Variants in RIMS1 observed in about 807,000 individuals in gnomAD.
The protein encoded by RIMS1 is regulating synaptic membrane exocytosis protein 1.
Under a neutral mutation model 214.1 loss-of-function variants are expected in RIMS1, and 83 were observed. That is an observed-to-expected ratio of 0.39 (90% CI 0.32 to 0.47). The LOEUF (loss-of-function observed/expected upper bound fraction) is 0.47, where lower values mean the gene tolerates loss of function less well. Among genes scored for constraint, RIMS1 ranks in the 20% least tolerant of loss-of-function variants. RIMS1 has a pLI of 0.99. For synonymous variants in RIMS1, 793 were observed against 786.8 expected (o/e 1.01, Z -0.13); for missense variants, 2,050 against 2,161.8 (o/e 0.95, Z 1.03).
chr6:71,963,244 C>A (rs929582669), intron 1 of RIMS1, among the ~76,000 whole-genome samples: 1 of 152,202 alleles, frequency 6.6e-6, no homozygotes, highest in Non-Finnish European at 1.5e-5. Context: ...ACCAAACCAA[C>A]CTTGATTAAA....
At chr6:72,064,693 A>G (rs909661463) in intron 2 of RIMS1, among the ~76,000 whole-genome samples, 7 of 458 alleles carry the variant, frequency 0.015, no homozygotes, top group Admixed American at 0.14. Flanking sequence ...ATGATGATGA[A>G]GTTTAAAAAA....
intron 24 of RIMS1, among the ~76,000 whole-genome samples, chr6:72,285,186 C>G (rs137948557): frequency 2.6e-5 from 4 of 152,276 alleles, no homozygotes; most frequent in African/African-American, 9.6e-5. Context: ...CTGTGAGCCA[C>G]AGATGTGCTT....
intron 6 of RIMS1, among the ~76,000 whole-genome samples, chr6:72,190,497 AATAAAG>A (rs1265675052): frequency 4.8e-5 from 2 of 41,400 alleles, no homozygotes; most frequent in Non-Finnish European, 2.1e-4. Flanking sequence ...GAAAGAAAGA[AATAAAG>A]GGGCTGTAGG....
intron 2 of RIMS1, among the ~76,000 whole-genome samples, chr6:72,025,556 T>C (rs913282944): frequency 2.0e-5 from 3 of 152,226 alleles, no homozygotes; most frequent in African/African-American, 7.2e-5. Context: ...TGTGTGTCCA[T>C]ACTGCACACA....
chr6:71,999,305 T>C (rs970346827), intron 2 of RIMS1, among the ~76,000 whole-genome samples: 2 of 152,132 alleles, frequency 1.3e-5, no homozygotes, highest in African/African-American at 4.8e-5. Flanking sequence ...GAATACTAAA[T>C]ACTAATGATG....
intron 16 of RIMS1, among the ~76,000 whole-genome samples, chr6:72,256,902 A>G (rs1175049115): frequency 6.6e-6 from 1 of 152,048 alleles, no homozygotes; most frequent in Non-Finnish European, 1.5e-5. Flanking sequence ...TATACCATTT[A>G]TGAATATTAA....
chr6:72,212,470 A>G (rs956228207), intron 6 of RIMS1, among the ~76,000 whole-genome samples: 2 of 152,152 alleles, frequency 1.3e-5, no homozygotes, highest in Non-Finnish European at 2.9e-5. Context: ...CCTAAGTTCA[A>G]ATATTTCAAG....
chr6:72,026,764 A>G (rs1471196264), intron 2 of RIMS1, among the ~76,000 whole-genome samples: 1 of 152,124 alleles, frequency 6.6e-6, no homozygotes, highest in African/African-American at 2.4e-5. Context: ...TTCACTATGT[A>G]GTGGCACTTT....
intron 1 of RIMS1, among the ~76,000 whole-genome samples, chr6:71,956,093 AAT>A (rs199531609): frequency 0.01 from 1,567 of 151,294 alleles, 31 homozygotes; most frequent in African/African-American, 0.036. Context: ...TTGCCTAAAA[AAT>A]ATATATATAT....
At chr6:72,081,507 G>A (rs1286355826) in intron 2 of RIMS1, among the ~76,000 whole-genome samples, 1 of 152,084 alleles carries the variant, frequency 6.6e-6, no homozygotes, top group Non-Finnish European at 1.5e-5. Flanking sequence ...ACTGCTCCTA[G>A]CTTTGTATGC....
chr6:72,027,849 A>G (rs900915244), intron 2 of RIMS1, among the ~76,000 whole-genome samples: 8 of 152,130 alleles, frequency 5.3e-5, no homozygotes, highest in Non-Finnish European at 1.0e-4. Flanking sequence ...TTGGATACTT[A>G]TCTAATAGAT....
At chr6:72,351,769 C>T (rs1441526636) in intron 29 of RIMS1, among the ~76,000 whole-genome samples, 1 of 152,036 alleles carries the variant, frequency 6.6e-6, no homozygotes, top group Non-Finnish European at 1.5e-5. Context: ...TCTTCAGTGT[C>T]GATGGTGAGC....
intron 1 of RIMS1, among the ~76,000 whole-genome samples, chr6:71,959,080 G>C (rs1276999119): frequency 6.6e-6 from 1 of 151,942 alleles, no homozygotes; most frequent in Admixed American, 6.6e-5. Flanking sequence ...GTGACCTCTT[G>C]ACAAAATAAA....
At chr6:72,321,815 A>G (rs988774608) in intron 28 of RIMS1, among the ~76,000 whole-genome samples, 1 of 152,076 alleles carries the variant, frequency 6.6e-6, no homozygotes, top group African/African-American at 2.4e-5. Flanking sequence ...AGAATCAGTT[A>G]TCCCCTTCTG....
At chr6:71,967,480 C>T (rs1213002755) in intron 1 of RIMS1, among the ~76,000 whole-genome samples, 1 of 152,176 alleles carries the variant, frequency 6.6e-6, no homozygotes, top group Non-Finnish European at 1.5e-5. Flanking sequence ...ACTTGCTGGA[C>T]ATTTTAGCTT....
chr6:71,935,768 T>G (rs186972950), intron 1 of RIMS1, among the ~76,000 whole-genome samples: 49 of 152,308 alleles, frequency 3.2e-4, no homozygotes, highest in African/African-American at 9.9e-4. Flanking sequence ...AAGCCATGAC[T>G]AAAAGTTTAA....
chr6:71,996,830 G>T (rs1160014145), intron 2 of RIMS1, among the ~76,000 whole-genome samples: 1 of 152,200 alleles, frequency 6.6e-6, no homozygotes, highest in Non-Finnish European at 1.5e-5. Flanking sequence ...TTACTGCAAA[G>T]ATACTTTATA....
intron 1 of RIMS1, among the ~76,000 whole-genome samples, chr6:71,933,066 A>G (rs1191720879): frequency 2.0e-5 from 3 of 152,164 alleles, no homozygotes; most frequent in African/African-American, 7.2e-5. Flanking sequence ...ACTTCCTATT[A>G]TCAAAGGCAT....
rs185936476 is a variant in RIMS1 at position 72,190,109 on chromosome 6, C to T, written c.1678+6960C>T. Reference sequence around the variant, plus strand: ...AAAGTGTACAACCAGGTACACTGGTCGAAGTTCTGCCCACTGGGAAGATTT... The same window carrying T: ...AAAGTGTACAACCAGGTACACTGGTTGAAGTTCTGCCCACTGGGAAGATTT... On this transcript the variant is annotated intron_variant, in intron 6 of 33. Coordinates refer to ENST00000521978, the MANE Select transcript of RIMS1 (RefSeq NM_014989.7). 8.4e-4 allele frequency among the ~76,000 whole-genome samples: 128 copies of T among 152,254 alleles called. 2 individuals carry two copies. The highest frequency in any genetic ancestry group is 2.9e-3 in the African/African-American group (120 of 41,556).
Sources: gnomAD v4.1 joint callset for allele counts (sites outside exome capture counted in the v4.1 genomes callset) on GRCh38, gnomAD v4.1.1 for gene constraint, MANE v1.5 for transcripts, NCBI Gene and HGNC (gene_info 2026-07-23, HGNC 2026-07-21) for gene names.